The following ARHGAP6 variants were observed in gnomAD, a reference collection of about 807,000 sequenced individuals.
ARHGAP6 encodes the protein Rho GTPase activating protein 6.
Under a neutral mutation model 55.7 loss-of-function variants are expected in ARHGAP6, and 16 were observed. That is an observed-to-expected ratio of 0.29 (90% CI 0.19 to 0.44). ARHGAP6 has a LOEUF of 0.44. ARHGAP6 is among the 20% of genes least tolerant of loss of function. The pLI, the probability that ARHGAP6 is intolerant of heterozygous loss-of-function variation, is 1.00. For synonymous variants in ARHGAP6, 382 were observed against 360.9 expected, an observed-to-expected ratio of 1.06 and a Z score of -0.66; for missense variants, 698 against 808.9, an observed-to-expected ratio of 0.86 and a Z score of 1.66.
chrX:11,199,072 A>G (rs934018748), intron 2 of ARHGAP6, among the ~76,000 whole-genome samples: 3 of 112,146 alleles, frequency 2.7e-5, no homozygotes, highest in African/African-American at 9.7e-5. Context: ...TATTTTGTTC[A>G]CCAACACTTC....
At chrX:11,295,283 T>A (rs1308098713) in intron 1 of ARHGAP6, among the ~76,000 whole-genome samples, 1 of 111,087 alleles carries the variant, frequency 9.0e-6, no homozygotes, top group African/African-American at 3.3e-5. Context: ...CCTCCACATA[T>A]TGCTGCTCTT....
rs1466894685 is a variant in ARHGAP6 at position 11,664,968 on chromosome X, G to A, written c.-140C>T. 1.8e-6 allele frequency: 1 copy of A among 569,877 alleles called. No homozygotes were observed. The highest frequency in any genetic ancestry group is 2.6e-6 in the Non-Finnish European group (1 of 386,802). 47.0% of individuals were successfully genotyped at this position (569,877 alleles called of 1,213,427 possible). On this transcript the variant is annotated 5_prime_UTR_variant, in exon 1 of 13. Transcript: ENST00000337414. ...TTTGCCCAGGGCAGTGGAGAGCAAAGCCCAGCTCACGCGCCGCCGGTGCGC... is the reference window on the plus strand; with the variant it reads ...TTTGCCCAGGGCAGTGGAGAGCAAAACCCAGCTCACGCGCCGCCGGTGCGC...
At chrX:11,573,444 TC>T (rs944024391) in intron 1 of ARHGAP6, among the ~76,000 whole-genome samples, 11 of 110,568 alleles carry the variant, frequency 9.9e-5, no homozygotes, top group African/African-American at 3.3e-4. Context: ...AAATAGGGAA[TC>T]CTTTCCCCGT....
rs148754668 is a variant in ARHGAP6, at chrX:11,605,758, T to C, written c.588+58483A>G. 6.2e-3 allele frequency among the ~76,000 whole-genome samples: 687 copies of C among 110,481 alleles called. 5 individuals carry two copies. Among genetic ancestry groups the C allele is most frequent in the African/African-American group, 0.022 (662 of 30,323 alleles). On this transcript the variant is annotated intron_variant, in intron 1 of 12. Transcript: ENST00000337414. ...CAGAGGAAAATCCTAATAACAACAATTGAATATTCACAGCCTCACATCAGC... is the reference window on the plus strand; with the variant it reads ...CAGAGGAAAATCCTAATAACAACAACTGAATATTCACAGCCTCACATCAGC...
intron 1 of ARHGAP6, among the ~76,000 whole-genome samples, chrX:11,328,399 T>A (rs2048523756): frequency 8.9e-6 from 1 of 111,985 alleles, no homozygotes; most frequent in Non-Finnish European, 1.9e-5. Context: ...ATTTATTGAG[T>A]AATTTGGGAG....
At chrX:11,593,161 C>A (rs1457025878) in intron 1 of ARHGAP6, among the ~76,000 whole-genome samples, 2 of 111,938 alleles carry the variant, frequency 1.8e-5, no homozygotes, top group Admixed American at 9.5e-5. Flanking sequence ...TACAAAAATC[C>A]TGAAGAATAA....
chrX:11,186,940 AG>A (rs765034773), intron 4 of ARHGAP6, among the ~76,000 whole-genome samples: 2 of 110,865 alleles, frequency 1.8e-5, no homozygotes, highest in Non-Finnish European at 3.8e-5. Flanking sequence ...CCTGTAGGGG[AG>A]GGGGGAAATG....
intron 1 of ARHGAP6, among the ~76,000 whole-genome samples, chrX:11,633,357 G>A (rs890337862): frequency 8.9e-6 from 1 of 112,095 alleles, no homozygotes; most frequent in African/African-American, 3.2e-5. Flanking sequence ...ACAGTCATAA[G>A]CTTGCCTATG....
intron 1 of ARHGAP6, among the ~76,000 whole-genome samples, chrX:11,402,810 A>C (rs2147754266): frequency 8.9e-6 from 1 of 111,910 alleles, no homozygotes; most frequent in South Asian, 3.7e-4. Flanking sequence ...AGAGCGTAGG[A>C]GGATGCCTAG....
At chrX:11,282,235 A>G (rs1435582510) in intron 1 of ARHGAP6, among the ~76,000 whole-genome samples, 1 of 112,496 alleles carries the variant, frequency 8.9e-6, no homozygotes, top group African/African-American at 3.2e-5. Context: ...TGGGTGGTTC[A>G]TGAAATGCAC....
At chrX:11,388,865 T>G (rs768792355) in intron 1 of ARHGAP6, among the ~76,000 whole-genome samples, 7 of 112,106 alleles carry the variant, frequency 6.2e-5, no homozygotes, top group Non-Finnish European at 1.1e-4. Context: ...TGAAACCATC[T>G]TTAAATAGAA....
intron 1 of ARHGAP6, among the ~76,000 whole-genome samples, chrX:11,374,121 C>T (rs1399653185): frequency 8.9e-6 from 1 of 111,826 alleles, no homozygotes; most frequent in Non-Finnish European, 1.9e-5. Context: ...TTTGAAGGGG[C>T]TCTTCCTCCT....
At chrX:11,344,678 C>CAAAAAAAA (rs34123570) in intron 1 of ARHGAP6, among the ~76,000 whole-genome samples, 402 of 28,232 alleles carry the variant, frequency 0.014, no homozygotes, top group Non-Finnish European at 0.016. Flanking sequence ...AACTCCATCA[C>CAAAAAAAA]AAAAAAAAAA....
chrX:11,567,553 C>CAA (rs200460504), intron 1 of ARHGAP6, among the ~76,000 whole-genome samples: 1 of 71,844 alleles, frequency 1.4e-5, no homozygotes, highest in African/African-American at 5.6e-5. Flanking sequence ...GACTCCATCT[C>CAA]AAAAAAAAAA....
intron 1 of ARHGAP6, among the ~76,000 whole-genome samples, chrX:11,583,772 G>GA (rs368178852): frequency 0.02 from 2,133 of 108,508 alleles, 31 homozygotes; most frequent in Middle Eastern, 0.067. Flanking sequence ...AAAGATGGAG[G>GA]AAAAAAAAAC....
chrX:11,505,598 G>A (rs924822932), intron 1 of ARHGAP6, among the ~76,000 whole-genome samples: 2 of 111,086 alleles, frequency 1.8e-5, no homozygotes, highest in Non-Finnish European at 3.8e-5. Context: ...ACCCATGCAC[G>A]TGAATGTTCA....
rs564717121 is a variant in ARHGAP6 at position 11,626,236 on chromosome X, A to G, written c.588+38005T>C. 2.0e-4 allele frequency among the ~76,000 whole-genome samples: 22 copies of G among 112,204 alleles called. No homozygotes were observed. The South Asian group carries it at 7.7e-3, about 39-fold the overall frequency. ...ACTTGGATAAAATGGATAATTTTCA[A>G]GAAACATATAAATTACAAAAACTAC... On this transcript the variant is annotated intron_variant, in intron 1 of 12. Transcript: ENST00000337414.
At chrX:11,340,303 T>C (rs1256883211) in intron 1 of ARHGAP6, among the ~76,000 whole-genome samples, 1 of 112,113 alleles carries the variant, frequency 8.9e-6, no homozygotes, top group Non-Finnish European at 1.9e-5. Flanking sequence ...CTCTCTTTTG[T>C]ACATACTGTT....
intron 1 of ARHGAP6, among the ~76,000 whole-genome samples, chrX:11,346,954 C>CAAACAAAG (rs2048797182): frequency 9.0e-6 from 1 of 111,219 alleles, no homozygotes; most frequent in South Asian, 3.8e-4. Context: ...AACAAACAAA[C>CAAACAAAG]AAACTAGTGT....
Sources: allele counts gnomAD v4.1 joint callset (sites outside exome capture counted in the v4.1 genomes callset), GRCh38; gene constraint gnomAD v4.1.1; transcripts MANE v1.5; gene names NCBI Gene and HGNC (gene_info 2026-07-23, HGNC 2026-07-21).